The following AACS variants were observed in gnomAD, a reference collection of about 807,000 sequenced individuals.
The protein encoded by AACS is acetoacetyl-CoA synthetase.
A neutral mutation model predicts 83.1 loss-of-function variants in AACS; 69 were observed. The observed-to-expected ratio is 0.83, with a 90% confidence interval of 0.68 to 1.01. The LOEUF (loss-of-function observed/expected upper bound fraction) is 1.01, where lower values mean the gene tolerates loss of function less well. AACS is among the 50% of genes least tolerant of loss of function. AACS has a pLI of 0.00. For synonymous variants in AACS, 333 were observed against 343.4 expected (o/e 0.97, Z 0.33); for missense variants, 866 against 882.2 (o/e 0.98, Z 0.23).
At chr12:125,072,831 GT>G (rs1427234745) in intron 1 of AACS, among the ~76,000 whole-genome samples, 10 of 152,066 alleles carry the variant, frequency 6.6e-5, no homozygotes, top group Non-Finnish European at 1.2e-4. Flanking sequence ...GTATAACTGA[GT>G]GGAATCTGCA....
chr12:125,107,001 C>G (rs1462781405), intron 7 of AACS, 120 bp from the exon 8 acceptor site: 4 of 1,442,084 alleles, frequency 2.8e-6, no homozygotes, highest in Non-Finnish European at 3.8e-6. Context: ...GGCCACCGTC[C>G]CCCTGGAATC....
At chr12:125,078,272 G>T (rs1956080299) in intron 3 of AACS, 1 of 455,946 alleles carries the variant, frequency 2.2e-6, no homozygotes, top group South Asian at 1.5e-5. Context: ...CGGGGCTGGG[G>T]CCCAGGCTTC....
chr12:125,141,548 T>C (rs1278568657), intron 17 of AACS: 1 of 152,520 alleles, frequency 6.6e-6, no homozygotes, highest in Non-Finnish European at 1.5e-5. Context: ...ATACAAAAAA[T>C]TAGCTGGGCG....
At chr12:125,085,530 G>T (rs1179629914) in intron 3 of AACS, among the ~76,000 whole-genome samples, 2 of 152,212 alleles carry the variant, frequency 1.3e-5, no homozygotes, top group African/African-American at 4.8e-5. Flanking sequence ...CCACGTACGT[G>T]CACGTTGCAT....
rs771553373 is a variant in AACS at position 125,134,916 on chromosome 12, C to T, written c.1678+64C>T. On this transcript the variant is annotated intron_variant, in intron 16 of 17. Coordinates refer to ENST00000316519, the MANE Select transcript of AACS (RefSeq NM_023928.5). The stretch of plus-strand genomic sequence containing the variant: ...GGAAGGAGGAGGGTCCTGGCGGGAG[C>T]CCCAGGAGCCCCACCTTTGGCACAA... The T allele has an allele frequency of 4.1e-4, 651 of 1,576,930 alleles. 1 individual carries two copies. The highest frequency in any genetic ancestry group is 5.4e-4 in the Non-Finnish European group (626 of 1,151,242).
chr12:125,118,371 A>G (rs968486118), intron 9 of AACS: 1 of 424,780 alleles, frequency 2.4e-6, no homozygotes, highest in African/African-American at 2.0e-5. Context: ...GCTTGTGTCG[A>G]TAACACCTAC....
intron 2 of AACS, among the ~76,000 whole-genome samples, chr12:125,074,503 C>T (rs984072767): frequency 9.2e-5 from 14 of 151,658 alleles, no homozygotes; most frequent in African/African-American, 2.2e-4. Context: ...GCTGTGACTG[C>T]GCCACTGCAC....
At chr12:125,083,209 A>T (rs1956242981) in intron 3 of AACS, among the ~76,000 whole-genome samples, 1 of 152,194 alleles carries the variant, frequency 6.6e-6, no homozygotes, top group South Asian at 2.1e-4. Context: ...TGGTGTGCCC[A>T]CGTGGCTGTT....
At chr12:125,079,589 A>C (rs1009730391) in intron 3 of AACS, among the ~76,000 whole-genome samples, 1 of 151,820 alleles carries the variant, frequency 6.6e-6, no homozygotes, top group East Asian at 1.9e-4. Context: ...AAGTTTTGCC[A>C]TGTTGCTCAG....
At chr12:125,107,059 A>G in intron 7 of AACS, 62 bp from the exon 8 acceptor site, 2 of 1,606,026 alleles carry the variant, frequency 1.2e-6, no homozygotes, top group Non-Finnish European at 1.7e-6. Context: ...GGGTGGAATC[A>G]GTGGGTCCGG....
rs112601523 is a variant in AACS, at chr12:125,110,991, A to G, written c.916-3486A>G. On this transcript the variant is annotated intron_variant, in intron 8 of 17. Transcript: ENST00000316519. Reference sequence around the variant, plus strand: ...GGCTGTGAAATAGATTGAAGGTCCAAGAGCCTGTCCACGCACAGCAGGTTA... The same window carrying G: ...GGCTGTGAAATAGATTGAAGGTCCAGGAGCCTGTCCACGCACAGCAGGTTA... Among the ~76,000 whole-genome samples the G allele has an allele frequency of 2.1e-4, 32 of 152,180 alleles. 1 individual carries two copies. Among genetic ancestry groups the G allele is most frequent in the African/African-American group, 6.7e-4 (28 of 41,514 alleles).
chr12:125,095,134 A>G (rs1384556), intron 5 of AACS, among the ~76,000 whole-genome samples: 72,348 of 151,868 alleles, frequency 0.48, 17,688 homozygotes, highest in East Asian at 0.65. Context: ...CACCGTATTC[A>G]GGTCAGACAC....
chr12:125,066,751 C>G (rs1955711404), intron 1 of AACS, among the ~76,000 whole-genome samples: 1 of 151,938 alleles, frequency 6.6e-6, no homozygotes, highest in Non-Finnish European at 1.5e-5. Flanking sequence ...GCCTGGCCTC[C>G]TAGGGGATTT....
In AACS at chr12:125,129,420, C is replaced by A. The variant is rs777134166; in HGVS notation, c.1509C>A (p.Asn503Lys). The change falls in exon 14 of 18, where the codon AAC becomes AAA. Residue 503 changes from asparagine to lysine, a missense_variant. Transcript: ENST00000316519. The surrounding 1 kb of genome is among the most constrained non-coding windows in gnomAD (Gnocchi z 4.3). ...CQPTHFWNDE[N>K]GNKYRKAYFS... Reference sequence around the variant, plus strand: ...CCACACACTTCTGGAACGATGAGAACGGCAACAAGTACAGGAAGGCGTATT... The same window carrying A: ...CCACACACTTCTGGAACGATGAGAAAGGCAACAAGTACAGGAAGGCGTATT... The A allele has an allele frequency of 2.5e-6, 4 of 1,613,852 alleles. No homozygotes were observed. The highest frequency in any genetic ancestry group is 3.4e-6 in the Non-Finnish European group (4 of 1,179,948).
chr12:125,091,010 T>C (rs1422852127), intron 4 of AACS: 5 of 204,832 alleles, frequency 2.4e-5, no homozygotes, highest in African/African-American at 1.1e-4. Flanking sequence ...CTGAGGAAGT[T>C]TCATTTGAGT....
chr12:125,124,706 A>G lies in AACS; in HGVS notation c.1123A>G (p.Ile375Val), dbSNP rs769254610. The G allele has an allele frequency of 3.5e-5, 56 of 1,613,868 alleles. No homozygotes were observed. The highest frequency in any genetic ancestry group is 4.7e-5 in the Non-Finnish European group (55 of 1,180,042). The part of the protein sequence containing the change: ...VLWDLVDRIG[I>V]TVLVTGAKWL... ...TTTTCTTTCCCGCCTGCACCCTAGCATCACTGTCCTGGTAACTGGGGCCAA... is the reference window on the plus strand; with the variant it reads ...TTTTCTTTCCCGCCTGCACCCTAGCGTCACTGTCCTGGTAACTGGGGCCAA... The change falls in exon 11 of 18, where the codon ATC (isoleucine) becomes GTC (valine). Residue 375 changes from isoleucine (I) to valine (V), a missense_variant and splice_region_variant. Transcript: ENST00000316519.
chr12:125,074,377 C>A (rs890918451), intron 2 of AACS, among the ~76,000 whole-genome samples: 1 of 151,914 alleles, frequency 6.6e-6, no homozygotes, highest in Admixed American at 6.6e-5. Flanking sequence ...CATAGCAAGA[C>A]CCTGTCTTCA....
chr12:125,087,040 G>A (rs1202836249), intron 4 of AACS, among the ~76,000 whole-genome samples: 1 of 152,094 alleles, frequency 6.6e-6, no homozygotes, highest in Non-Finnish European at 1.5e-5. Context: ...TAGGAGCTCT[G>A]TGGGGTGGAA....
intron 13 of AACS, 64 bp downstream of exon 13, chr12:125,128,338 G>A (rs957758259): frequency 2.1e-5 from 30 of 1,435,932 alleles, no homozygotes; most frequent in African/African-American, 4.2e-5. Context: ...GGGAGCGTTC[G>A]GATGTGTAAC....
Sources: allele counts gnomAD v4.1 joint callset (sites outside exome capture counted in the v4.1 genomes callset), GRCh38; gene constraint gnomAD v4.1.1; non-coding constraint Gnocchi (gnomAD v3.1); transcripts MANE v1.5; gene names NCBI Gene and HGNC (gene_info 2026-07-23, HGNC 2026-07-21).